Variants in DVL1 observed in about 807,000 individuals in gnomAD.
DVL1 encodes the protein dishevelled segment polarity protein 1, also known as segment polarity protein dishevelled homolog DVL-1.
In DVL1, 49 loss-of-function variants were observed where a neutral mutation model predicts 65.0. The ratio of observed to expected loss-of-function variants is 0.75; its 90% CI spans 0.60 to 0.96. The LOEUF (loss-of-function observed/expected upper bound fraction) is 0.96, where lower values mean the gene tolerates loss of function less well. Among genes scored for constraint, DVL1 ranks in the 40% least tolerant of loss-of-function variants. The probability of loss-of-function intolerance (pLI) is 0.00; values close to 1 mark genes in which losing one functional copy is unlikely to be tolerated. For synonymous variants in DVL1, 608 were observed against 433.9 expected (o/e 1.40, Z -4.99); for missense variants, 1,197 against 1,045.4 (o/e 1.15, Z -2.00).
Position 1,339,610 on chromosome 1 carries a change from C to A in DVL1, c.1026G>T (p.Thr342=), listed in dbSNP as rs753965150. Reference sequence around the variant, plus strand: ...GTGGGACGGTGAAGTAGCTTCGGGGCGTTGGGTCCCAGCACTTGGCCACAG... The same window carrying A: ...GTGGGACGGTGAAGTAGCTTCGGGGAGTTGGGTCCCAGCACTTGGCCACAG... ...SLTVAKCWDP[T]PRSYFTVPRA... is the part of the protein sequence containing the mutation. The change falls in exon 10 of 15, where the codon ACG becomes ACT. Residue 342 remains threonine (T), a synonymous_variant. Transcript: ENST00000378888. The A allele has an allele frequency of 2.5e-6, 4 of 1,607,242 alleles. No individual in the cohort carries two copies. The highest frequency in any genetic ancestry group is 3.4e-6 in the Non-Finnish European group (4 of 1,175,952).
intron 5 of DVL1, among the ~76,000 whole-genome samples, chr1:1,340,743 C>G (rs1272002149): frequency 6.6e-6 from 1 of 150,926 alleles, no homozygotes. Flanking sequence ...TACTGACACA[C>G]CTGCACACAT....
chr1:1,339,588 G>C lies in DVL1; in HGVS notation c.1048C>G (p.Pro350Ala), dbSNP rs764678820. The C allele has an allele frequency of 5.6e-6, 9 of 1,607,146 alleles. No individual in the cohort carries two copies. In the East Asian group the frequency reaches 6.7e-5, roughly 12 times the overall value. Reference sequence around the variant, plus strand: ...TGCCCCGAGGGCCACTCACCCCGTGGGACGGTGAAGTAGCTTCGGGGCGTT... The same window carrying C: ...TGCCCCGAGGGCCACTCACCCCGTGCGACGGTGAAGTAGCTTCGGGGCGTT... ...DPTPRSYFTV[P>A]RADPVRPIDP... Residue 350 changes from proline to alanine, a missense_variant, in exon 10 of 15, where the codon CCA becomes GCA. Coordinates refer to ENST00000378888, the MANE Select transcript of DVL1 (RefSeq NM_001330311.2).
At chr1:1,338,675 G>A (rs780428690) in intron 11 of DVL1, 22 bp from the exon 12 acceptor site, 10 of 1,601,726 alleles carry the variant, frequency 6.2e-6, no homozygotes, top group East Asian at 4.5e-5. Flanking sequence ...AGACAGCCCC[G>A]CTTCAGCCCC....
intron 14 of DVL1, 104 bp downstream of exon 14, chr1:1,337,873 T>A: frequency 1.5e-6 from 1 of 660,040 alleles, no homozygotes; most frequent in Non-Finnish European, 2.2e-6. Flanking sequence ...GAGCTGGGGG[T>A]GGAGCAGCAG....
chr1:1,338,229 T>TGGCG, intron 13 of DVL1, 40 bp downstream of exon 13: 1 of 1,522,368 alleles, frequency 6.6e-7, no homozygotes, highest in Non-Finnish European at 9.0e-7. Context: ...CCTCCGGCGT[T>TGGCG]CCCCTCCCCC....
intron 4 of DVL1, 45 bp from the exon 5 acceptor site, chr1:1,341,850 G>GAT: frequency 6.5e-7 from 1 of 1,529,398 alleles, no homozygotes; most frequent in Non-Finnish European, 8.9e-7. Flanking sequence ...GTCTCCCAGA[G>GAT]GTCATGGGTT....
chr1:1,337,325 A>C (rs1480032239), intron 14 of DVL1, among the ~76,000 whole-genome samples: 1 of 151,974 alleles, frequency 6.6e-6, no homozygotes, highest in Non-Finnish European at 1.5e-5. Flanking sequence ...TGCTGGCCTC[A>C]CCAACCCCAC....
In DVL1 at chr1:1,336,416, T is replaced by A. The variant is rs372749605; in HGVS notation, c.1814A>T (p.Asp605Val). ...AGAGGSGSES[D>V]HTAPSGVGSS... Reference sequence around the variant, plus strand: ...CCCCACCCCACTCGGTGCCGTGTGATCCGATTCACTGCCACTGCCCCCAGC... The same window carrying A: ...CCCCACCCCACTCGGTGCCGTGTGAACCGATTCACTGCCACTGCCCCCAGC... Residue 605 changes from aspartate to valine, a missense_variant, in exon 15 of 15, where the codon GAT becomes GTT. By Grantham distance (152) the Asp-to-Val change is radical. Coordinates refer to ENST00000378888, the MANE Select transcript of DVL1 (RefSeq NM_001330311.2). The A allele has an allele frequency of 1.9e-6, 3 of 1,596,966 alleles. No homozygotes were observed. Among genetic ancestry groups the A allele is most frequent in the Non-Finnish European group, 2.5e-6 (3 of 1,177,404 alleles).
At position 1,338,509 on chromosome 1, in the gene DVL1, G is replaced by T. The variant is rs952424082; in HGVS notation, c.1339+13C>A. On this transcript the variant is annotated intron_variant, in intron 12 of 14. Transcript: ENST00000378888. Reference sequence around the variant, plus strand: ...GCCCCTGGCACTATCCGCCCGCGGGGACGGCCACTCACCGATGACGGCATT... The same window carrying T: ...GCCCCTGGCACTATCCGCCCGCGGGTACGGCCACTCACCGATGACGGCATT... 4 of 1,612,080 alleles carry T rather than the reference G, an allele frequency of 2.5e-6. No individual in the cohort carries two copies. The highest frequency in any genetic ancestry group is 3.3e-5 in the Admixed American group (2 of 60,002).
chr1:1,340,362 C>T, intron 6 of DVL1, 46 bp from the exon 7 acceptor site: 1 of 1,613,390 alleles, frequency 6.2e-7, no homozygotes, highest in Non-Finnish European at 8.5e-7. Flanking sequence ...GGCTGCCCGA[C>T]ACTGACTTCG....
intron 14 of DVL1, 40 bp downstream of exon 14, chr1:1,337,937 G>A: frequency 6.5e-7 from 1 of 1,542,696 alleles, no homozygotes; most frequent in Non-Finnish European, 8.9e-7. Flanking sequence ...CGGAGCTGGG[G>A]GCGGAGCCGG....
rs549441157 is a variant in DVL1, at chr1:1,344,117, G to A, written c.171-1359C>T. On this transcript the variant is annotated intron_variant, in intron 1 of 14. Coordinates refer to ENST00000378888, the MANE Select transcript of DVL1 (RefSeq NM_001330311.2). Reference sequence around the variant, plus strand: ...GAGCAAGGCAGGCAGGGCTGTGGTCGACACTCACACTGTGACCTCTGAGGG... The same window carrying A: ...GAGCAAGGCAGGCAGGGCTGTGGTCAACACTCACACTGTGACCTCTGAGGG... 3.3e-5 allele frequency among the ~76,000 whole-genome samples: 5 copies of A among 152,298 alleles called. No individual in the cohort carries two copies. In the South Asian group the frequency reaches 8.3e-4, roughly 25 times the overall value.
chr1:1,341,981 T>C, intron 4 of DVL1, 72 bp downstream of exon 4: 1 of 1,469,982 alleles, frequency 6.8e-7, no homozygotes, highest in Admixed American at 2.0e-5. Flanking sequence ...GGAACTGCTG[T>C]AGTAGGAACA....
chr1:1,340,651 T>C (rs1643768276), intron 5 of DVL1, 148 bp from the exon 6 acceptor site: 4 of 796,266 alleles, frequency 5.0e-6, no homozygotes, highest in Non-Finnish European at 8.0e-6. Flanking sequence ...CCCCAGGCCC[T>C]GCACACGTGA....
chr1:1,343,767 CCA>C (rs1304924676), intron 1 of DVL1, among the ~76,000 whole-genome samples: 1 of 152,168 alleles, frequency 6.6e-6, no homozygotes, highest in African/African-American at 2.4e-5. Flanking sequence ...AGGCCGCCCA[CCA>C]CCCTCCTGTC....
At chr1:1,342,953 C>T (rs1197858629) in intron 1 of DVL1, among the ~76,000 whole-genome samples, 195 bp from the exon 2 acceptor site, 1 of 150,256 alleles carries the variant, frequency 6.7e-6, no homozygotes, top group Non-Finnish European at 1.5e-5. Context: ...AGCATGGGGC[C>T]AGTCACTCTG....
Position 1,338,195 on chromosome 1 carries a change from G to A in DVL1, c.1508-12C>T. 1.3e-6 allele frequency: 2 copies of A among 1,597,818 alleles called. No individual in the cohort carries two copies. The highest frequency in any genetic ancestry group is 1.7e-6 in the Non-Finnish European group (2 of 1,171,670). Reference sequence around the variant, plus strand: ...CAGGGTGGCGAGATCTGGCGGGGGAGGGTAGGTGAGGGCCGCGGAGGGGCC... The same window carrying A: ...CAGGGTGGCGAGATCTGGCGGGGGAAGGTAGGTGAGGGCCGCGGAGGGGCC... On this transcript the variant is annotated splice_polypyrimidine_tract_variant and intron_variant, in intron 13 of 14. Transcript: ENST00000378888.
In DVL1 at chr1:1,342,379, G is replaced by A. The variant is rs538196309; in HGVS notation, c.346C>T (p.Arg116Trp). 23 of 1,582,374 alleles carry A rather than the reference G, an allele frequency of 1.5e-5. No homozygotes were observed. The highest frequency in any genetic ancestry group is 1.1e-4 in the South Asian group (10 of 87,506). ...TGTCCTTACTGGAAGGAGGGGGGCC[G>A]GGAGTCCCCGATGCCGCCTGTCCGC... ...LERTGGIGDSRPPSFHPNVAS... is the reference protein window; with the variant it reads ...LERTGGIGDSWPPSFHPNVAS... Residue 116 changes from arginine (R) to tryptophan (W), a missense_variant, in exon 3 of 15, where the codon CGG becomes TGG. Arg to Trp is a moderately radical substitution (Grantham distance 101). Coordinates refer to ENST00000378888, the MANE Select transcript of DVL1 (RefSeq NM_001330311.2).
intron 5 of DVL1, among the ~76,000 whole-genome samples, 170 bp from the exon 6 acceptor site, chr1:1,340,673 G>C (rs1243412492): frequency 6.6e-6 from 1 of 152,110 alleles, no homozygotes; most frequent in Admixed American, 6.5e-5. Context: ...ATGCATATGA[G>C]CACACACGAA....
Sources: gnomAD v4.1 joint callset for allele counts (sites outside exome capture counted in the v4.1 genomes callset) on GRCh38, gnomAD v4.1.1 for gene constraint, MANE v1.5 for transcripts, NCBI Gene and HGNC (gene_info 2026-07-23, HGNC 2026-07-21) for gene names.